Variants in TSHR observed in about 807,000 individuals in gnomAD.
TSHR encodes the protein thyrotropin receptor.
A neutral mutation model predicts 64.1 loss-of-function variants in TSHR; 51 were observed. The observed-to-expected ratio is 0.80, with a 90% CI of 0.64 to 1.01. The LOEUF is 1.01. Among genes scored for constraint, TSHR ranks in the 50% least tolerant of loss-of-function variants. The probability of loss-of-function intolerance (pLI) is 0.00; values close to 1 mark genes in which losing one functional copy is unlikely to be tolerated. For missense variants in TSHR, 877 were observed against 942.8 expected (o/e 0.93, Z 0.91); for synonymous variants, 361 against 361.9 (o/e 1.00, Z 0.03).
At chr14:81,104,681 A>G in intron 7 of TSHR, 2 of 985,432 alleles carry the variant, frequency 2.0e-6, no homozygotes, top group Non-Finnish European at 2.4e-6. Context: ...TGAGTTTGTC[A>G]ATCGAATATT....
intron 1 of TSHR, among the ~76,000 whole-genome samples, chr14:81,030,862 T>C (rs1884311919): frequency 6.6e-6 from 1 of 152,202 alleles, no homozygotes. Context: ...GCATTCTGAA[T>C]ATAGCACACA....
intron 1 of TSHR, among the ~76,000 whole-genome samples, chr14:81,004,336 A>C (rs186271272): frequency 6.6e-6 from 1 of 152,222 alleles, no homozygotes; most frequent in Non-Finnish European, 1.5e-5. Context: ...TGTTCTACTC[A>C]GTTATCAAGA....
intron 1 of TSHR, among the ~76,000 whole-genome samples, chr14:81,025,272 T>C (rs1003306659): frequency 1.3e-5 from 2 of 152,184 alleles, no homozygotes; most frequent in Non-Finnish European, 2.9e-5. Flanking sequence ...GCTTTTTTCT[T>C]AATTTCTTTT....
At chr14:80,975,051 A>G (rs1318072619) in intron 1 of TSHR, among the ~76,000 whole-genome samples, 4 of 152,242 alleles carry the variant, frequency 2.6e-5, no homozygotes, top group African/African-American at 9.6e-5. Flanking sequence ...TATCTATTAA[A>G]GGAAAACCAT....
At chr14:81,011,445 G>C (rs1889902432) in intron 1 of TSHR, among the ~76,000 whole-genome samples, 1 of 152,100 alleles carries the variant, frequency 6.6e-6, no homozygotes, top group South Asian at 2.1e-4. Context: ...TAAAAGCTTT[G>C]AAGATAAAGC....
intron 1 of TSHR, chr14:81,033,230 G>A: frequency 2.1e-6 from 1 of 468,954 alleles, no homozygotes; most frequent in Non-Finnish European, 4.2e-6. Flanking sequence ...GCCCTCAGAA[G>A]GGGCCAGAGC....
At chr14:81,141,272 CTGGG>C (rs951367991) in intron 9 of TSHR, among the ~76,000 whole-genome samples, 2 of 152,186 alleles carry the variant, frequency 1.3e-5, no homozygotes, top group Admixed American at 6.5e-5. Context: ...TGGACAAGGG[CTGGG>C]TGGGAGGCTT....
intron 2 of TSHR, among the ~76,000 whole-genome samples, chr14:81,065,580 A>T (rs1886552072): frequency 6.6e-6 from 1 of 152,150 alleles, no homozygotes; most frequent in Non-Finnish European, 1.5e-5. Context: ...TGGATTCTCC[A>T]GTCTGGGTTA....
intron 8 of TSHR, among the ~76,000 whole-genome samples, chr14:81,114,738 A>G (rs1457564129): frequency 3.3e-5 from 5 of 152,218 alleles, no homozygotes; most frequent in Non-Finnish European, 7.3e-5. Flanking sequence ...GGCACAGACA[A>G]ACAAAAAGAC....
At chr14:81,025,526 A>G (rs377616622) in intron 1 of TSHR, among the ~76,000 whole-genome samples, 2 of 152,054 alleles carry the variant, frequency 1.3e-5, no homozygotes, top group Non-Finnish European at 2.9e-5. Context: ...ATGATATTCT[A>G]TAATATTGGT....
chr14:80,961,670 C>T (rs566679546), intron 1 of TSHR, among the ~76,000 whole-genome samples: 7 of 152,234 alleles, frequency 4.6e-5, no homozygotes, highest in African/African-American at 1.7e-4. Context: ...ACAAAAAAAA[C>T]AGTTAATGGG....
chr14:80,994,674 C>T (rs1444845097), intron 1 of TSHR: 1 of 152,132 alleles, frequency 6.6e-6, no homozygotes, highest in African/African-American at 2.4e-5. Context: ...TCTGGCTAGC[C>T]ATATGCAGAA....
chr14:80,972,054 A>G (rs1448763488), intron 1 of TSHR, among the ~76,000 whole-genome samples: 1 of 152,188 alleles, frequency 6.6e-6, no homozygotes, highest in Non-Finnish European at 1.5e-5. Flanking sequence ...CCATAACACA[A>G]ATGTTTAGAT....
intron 8 of TSHR, among the ~76,000 whole-genome samples, chr14:81,127,516 T>C (rs1162045516): frequency 6.6e-6 from 1 of 152,050 alleles, no homozygotes; most frequent in Non-Finnish European, 1.5e-5. Flanking sequence ...CTTCAGACTA[T>C]TGGCAGTTGA....
At chr14:81,071,745 A>C (rs1887086563) in intron 3 of TSHR, among the ~76,000 whole-genome samples, 1 of 152,132 alleles carries the variant, frequency 6.6e-6, no homozygotes, top group African/African-American at 2.4e-5. Context: ...TGGATGACAG[A>C]GAAAGAGCTG....
chr14:81,060,556 C>T (rs942047063), intron 1 of TSHR, among the ~76,000 whole-genome samples: 2 of 152,104 alleles, frequency 1.3e-5, no homozygotes, highest in South Asian at 4.1e-4. Context: ...TTAATAGATG[C>T]TTTTACCAAC....
chr14:81,062,304 T>A, intron 2 of TSHR, 85 bp downstream of exon 2: 1 of 964,296 alleles, frequency 1.0e-6, no homozygotes, highest in Non-Finnish European at 1.6e-6. Context: ...TACTTGGTAT[T>A]ATACTTGCAT....
chr14:80,992,661 T>C (rs1200757818), intron 1 of TSHR: 2 of 152,092 alleles, frequency 1.3e-5, no homozygotes, highest in African/African-American at 4.8e-5. Context: ...GCAGCAAGAT[T>C]AAAAAATAAT....
chr14:80,993,102 C>G (rs1888828937), intron 1 of TSHR: 1 of 152,162 alleles, frequency 6.6e-6, no homozygotes, highest in Non-Finnish European at 1.5e-5. Context: ...TAGATTTGAG[C>G]TGTCTTCAGT....
Sources: allele counts gnomAD v4.1 joint callset (sites outside exome capture counted in the v4.1 genomes callset), GRCh38; gene constraint gnomAD v4.1.1; transcripts MANE v1.5; gene names NCBI Gene and HGNC (gene_info 2026-07-23, HGNC 2026-07-21).